Variants in NBAS observed in about 807,000 individuals in gnomAD.
NBAS encodes the protein NBAS subunit of NRZ tethering complex.
Under a neutral mutation model 302.5 loss-of-function variants are expected in NBAS, and 219 were observed. The ratio of observed to expected loss-of-function variants is 0.72; its 90% CI spans 0.65 to 0.81. The LOEUF is 0.81. Ranked by LOEUF, NBAS falls within the 30% of genes least tolerant of loss-of-function variation. The pLI, the probability that NBAS is intolerant of heterozygous loss-of-function variation, is 0.00. For missense variants in NBAS, 2,932 were observed against 2,841.6 expected, an observed-to-expected ratio of 1.03 and a Z score of -0.72; for synonymous variants, 1,118 against 1,021.6, an observed-to-expected ratio of 1.09 and a Z score of -1.80.
intron 25 of NBAS, among the ~76,000 whole-genome samples, chr2:15,403,563 A>C (rs1034428230): frequency 6.6e-6 from 1 of 152,210 alleles, no homozygotes; most frequent in African/African-American, 2.4e-5. Flanking sequence ...AGAAGATTTA[A>C]AGTATACAAG....
chr2:15,038,922 A>C, the NBAS span, among the ~76,000 whole-genome samples: 1 of 152,226 alleles, frequency 6.6e-6, no homozygotes, highest in African/African-American at 2.4e-5. Flanking sequence ...AGATGTAATC[A>C]TGTGAATTTA....
chr2:14,901,311 T>C, the NBAS span, among the ~76,000 whole-genome samples: 1 of 152,326 alleles, frequency 6.6e-6, no homozygotes, highest in East Asian at 1.9e-4. Context: ...ACTGTCATTA[T>C]AGCTTTAGCA....
the NBAS span, among the ~76,000 whole-genome samples, chr2:14,873,764 T>C: frequency 1.3e-5 from 2 of 148,542 alleles, no homozygotes; most frequent in African/African-American, 2.5e-5. Flanking sequence ...AAAATTAAAA[T>C]ATATTTTGAA....
chr2:15,166,505 G>A (rs1314879588), downstream of NBAS, among the ~76,000 whole-genome samples: 1 of 152,162 alleles, frequency 6.6e-6, no homozygotes, highest in Non-Finnish European at 1.5e-5. Flanking sequence ...ATCTGATAGA[G>A]CCTCACACAC....
chr2:15,440,937 G>A (rs571882805), intron 21 of NBAS, among the ~76,000 whole-genome samples: 1,956 of 152,096 alleles, frequency 0.013, 41 homozygotes, highest in African/African-American at 0.044. Context: ...GAAATGAAGC[G>A]AGAAGGGAAG....
At chr2:15,532,164 C>T (rs1007223931) in intron 9 of NBAS, among the ~76,000 whole-genome samples, 2 of 152,040 alleles carry the variant, frequency 1.3e-5, no homozygotes, top group African/African-American at 4.8e-5. Context: ...TCTTTTCTTA[C>T]CTGTAAGTAT....
chr2:15,474,318 T>A lies in NBAS; in HGVS notation c.1348A>T (p.Ile450Phe). 1 of 1,612,210 alleles carries A rather than the reference T, an allele frequency of 6.2e-7. No homozygotes were observed. Among genetic ancestry groups the A allele is most frequent in the Non-Finnish European group, 8.5e-7 (1 of 1,179,130 alleles). ...DGGFLSLECE[I>F]KLAPKRSRLE... ...CGAGATCGTTTGGGGGCAAGTTTAATCTCACACTAAATTGAAAAAGGAGAT... is the reference window on the plus strand; with the variant it reads ...CGAGATCGTTTGGGGGCAAGTTTAAACTCACACTAAATTGAAAAAGGAGAT... The change falls in exon 15 of 52, where the codon ATT (isoleucine) becomes TTT (phenylalanine). Residue 450 changes from isoleucine to phenylalanine, a missense_variant. Physicochemically the swap from Ile to Phe is conservative, Grantham distance 21. Transcript: ENST00000281513.
At chr2:14,959,907 C>A in the NBAS span, among the ~76,000 whole-genome samples, 1 of 152,116 alleles carries the variant, frequency 6.6e-6, no homozygotes, top group Admixed American at 6.5e-5. Flanking sequence ...CTATCATTTC[C>A]TTTAGGTAAA....
the NBAS span, among the ~76,000 whole-genome samples, chr2:15,004,752 A>T: frequency 2.2e-5 from 3 of 134,340 alleles, no homozygotes; most frequent in Admixed American, 2.6e-4. Flanking sequence ...CAAGCGATCC[A>T]CCCCCCCTTG....
At chr2:15,244,487 ACAG>A in intron 44 of NBAS, among the ~76,000 whole-genome samples, 1 of 152,308 alleles carries the variant, frequency 6.6e-6, no homozygotes, top group Admixed American at 6.5e-5. Context: ...TAATGTCTGT[ACAG>A]CAGATTTTTT....
chr2:14,943,774 G>A, the NBAS span, among the ~76,000 whole-genome samples: 120 of 152,154 alleles, frequency 7.9e-4, no homozygotes, highest in Non-Finnish European at 1.5e-3. Flanking sequence ...TGATAGAATC[G>A]CTTCTATTTT....
chr2:15,323,601 T>C (rs1671921624), intron 38 of NBAS, among the ~76,000 whole-genome samples: 1 of 152,014 alleles, frequency 6.6e-6, no homozygotes, highest in Admixed American at 6.6e-5. Flanking sequence ...GCGGCTGAGA[T>C]GGGAAGACTG....
At chr2:15,436,028 A>G (rs1017038630) in intron 21 of NBAS, among the ~76,000 whole-genome samples, 23 of 152,234 alleles carry the variant, frequency 1.5e-4, no homozygotes, top group African/African-American at 5.5e-4. Context: ...ATATATCACA[A>G]TTATAAATTT....
chr2:15,263,998 T>G (rs1668963268), intron 44 of NBAS, among the ~76,000 whole-genome samples: 1 of 152,238 alleles, frequency 6.6e-6, no homozygotes, highest in Admixed American at 6.5e-5. Context: ...AGTGTATTTA[T>G]GAAATAGCTA....
At chr2:14,877,444 A>C in the NBAS span, among the ~76,000 whole-genome samples, 2 of 152,150 alleles carry the variant, frequency 1.3e-5, no homozygotes, top group Non-Finnish European at 2.9e-5. Context: ...GCATTTCTAC[A>C]TTGGATAATG....
At chr2:15,262,556 T>G (rs1206383410) in intron 44 of NBAS, among the ~76,000 whole-genome samples, 2 of 152,216 alleles carry the variant, frequency 1.3e-5, no homozygotes, top group Admixed American at 1.3e-4. Context: ...ATAGAAACTC[T>G]GGAAGGTCTG....
chr2:15,330,459 T>C (rs1672275105), intron 36 of NBAS, 139 bp downstream of exon 36: 1 of 1,085,174 alleles, frequency 9.2e-7, no homozygotes, highest in Admixed American at 2.2e-5. Context: ...CCCTATCTGA[T>C]GAGAGGCCTA....
At chr2:14,968,244 A>G in the NBAS span, among the ~76,000 whole-genome samples, 3 of 152,242 alleles carry the variant, frequency 2.0e-5, no homozygotes, top group African/African-American at 2.4e-5. Flanking sequence ...CACAGAATAT[A>G]TAAAGAACTC....
intron 44 of NBAS, among the ~76,000 whole-genome samples, chr2:15,262,202 C>T (rs1668880786): frequency 2.0e-5 from 3 of 152,174 alleles, no homozygotes; most frequent in Admixed American, 2.0e-4. Context: ...AGCAACATAG[C>T]CCCAGTTATT....
Sources: gnomAD v4.1 joint callset for allele counts (sites outside exome capture counted in the v4.1 genomes callset) on GRCh38, gnomAD v4.1.1 for gene constraint, MANE v1.5 for transcripts, NCBI Gene and HGNC (gene_info 2026-07-23, HGNC 2026-07-21) for gene names.